Variants in GLIS3 observed in about 807,000 individuals in gnomAD.
GLIS3 encodes zinc finger protein GLIS3.
In GLIS3, 53 loss-of-function variants were observed where a neutral mutation model predicts 78.6. The ratio of observed to expected loss-of-function variants is 0.67; its 90% CI spans 0.54 to 0.85. The LOEUF is 0.85. GLIS3 is among the 40% of genes least tolerant of loss of function. GLIS3 has a pLI of 0.00. For missense variants in GLIS3, 1,703 were observed against 1,231.1 expected (o/e 1.38, Z -5.74); for synonymous variants, 684 against 509.9 (o/e 1.34, Z -4.60).
chr9:4,221,283 G>A (rs1010946776), intron 2 of GLIS3, among the ~76,000 whole-genome samples: 1 of 152,042 alleles, frequency 6.6e-6, no homozygotes, highest in Admixed American at 6.5e-5. Context: ...AGGGCATATG[G>A]GAATTCTTTA....
chr9:4,456,651 C>T, the GLIS3 span, among the ~76,000 whole-genome samples: 7 of 152,162 alleles, frequency 4.6e-5, no homozygotes, highest in Non-Finnish European at 5.9e-5. Flanking sequence ...TAGGATTAAT[C>T]TTTTCCAGCT....
intron 1 of GLIS3, among the ~76,000 whole-genome samples, chr9:4,296,825 C>T (rs773199460): frequency 6.7e-5 from 10 of 149,660 alleles, no homozygotes; most frequent in Non-Finnish European, 1.3e-4. Context: ...AGTCTGGCTG[C>T]GCAGATGACC....
intron 7 of GLIS3, among the ~76,000 whole-genome samples, chr9:3,896,474 G>C (rs1457875161): frequency 6.6e-6 from 1 of 151,694 alleles, no homozygotes; most frequent in Non-Finnish European, 1.5e-5. Flanking sequence ...AGACCAGCCT[G>C]GCCAACATGG....
the GLIS3 span, among the ~76,000 whole-genome samples, chr9:4,381,531 T>G: frequency 6.6e-6 from 1 of 152,162 alleles, no homozygotes; most frequent in East Asian, 1.9e-4. Flanking sequence ...CACAAAGCCT[T>G]ACAGGTTTCA....
chr9:3,966,255 G>C (rs377205384), intron 4 of GLIS3, among the ~76,000 whole-genome samples: 3 of 152,278 alleles, frequency 2.0e-5, no homozygotes, highest in African/African-American at 7.2e-5. Flanking sequence ...TATGACTGTT[G>C]CAACAAAATC....
the GLIS3 span, among the ~76,000 whole-genome samples, chr9:4,463,883 T>C: frequency 0.018 from 2,792 of 152,194 alleles, 82 homozygotes; most frequent in African/African-American, 0.063. Flanking sequence ...CATTTGTACG[T>C]GTGGTATAGG....
At chr9:4,351,479 A>C (rs1817971044), upstream of GLIS3, among the ~76,000 whole-genome samples, 1 of 152,022 alleles carries the variant, frequency 6.6e-6, no homozygotes, top group South Asian at 2.1e-4. Flanking sequence ...TCATTACAAA[A>C]GTTTAGAATA....
At chr9:4,391,551 GT>G in the GLIS3 span, among the ~76,000 whole-genome samples, 4 of 84,916 alleles carry the variant, frequency 4.7e-5, no homozygotes, top group African/African-American at 1.7e-4. Flanking sequence ...TCTAAGAGGG[GT>G]GTGTGTGTGT....
At chr9:4,440,796 G>C in the GLIS3 span, among the ~76,000 whole-genome samples, 1 of 152,206 alleles carries the variant, frequency 6.6e-6, no homozygotes, top group Middle Eastern at 3.4e-3. Context: ...ATGCACACAG[G>C]ATATCTTTTC....
At chr9:4,037,955 G>GAA (rs35261832) in intron 4 of GLIS3, among the ~76,000 whole-genome samples, 12 of 150,046 alleles carry the variant, frequency 8.0e-5, no homozygotes, top group Admixed American at 3.3e-4. Flanking sequence ...TCCAGGAAAG[G>GAA]AAAAAAAAAA....
intron 6 of GLIS3, among the ~76,000 whole-genome samples, chr9:3,918,835 T>C (rs562312028): frequency 8.5e-5 from 13 of 152,314 alleles, no homozygotes; most frequent in South Asian, 6.2e-4. Context: ...AGAACCACTG[T>C]AGAGGTCCAA....
At chr9:4,319,393 G>A (rs1420918808) in intron 2 of GLIS3, among the ~76,000 whole-genome samples, 1 of 152,292 alleles carries the variant, frequency 6.6e-6, no homozygotes, top group East Asian at 1.9e-4. Context: ...GTGAATCTGG[G>A]TGAAGGTACA....
chr9:4,366,522 C>A, the GLIS3 span, among the ~76,000 whole-genome samples: 1 of 152,186 alleles, frequency 6.6e-6, no homozygotes, highest in African/African-American at 2.4e-5. Context: ...CTGTTTCTTT[C>A]CTGTATTCAG....
At chr9:4,070,545 T>TGA (rs370081608) in intron 4 of GLIS3, among the ~76,000 whole-genome samples, 8 of 151,872 alleles carry the variant, frequency 5.3e-5, no homozygotes, top group South Asian at 2.1e-4. Context: ...TGTGTGTGTG[T>TGA]GAGAGAGAGA....
At chr9:4,338,387 C>T (rs145736990) in intron 2 of GLIS3, among the ~76,000 whole-genome samples, 84 of 105,428 alleles carry the variant, frequency 8.0e-4, no homozygotes, top group Middle Eastern at 5.2e-3. Flanking sequence ...CACACACACA[C>T]ATACACACAC....
At chr9:3,890,763 C>CACA (rs143411104) in intron 7 of GLIS3, among the ~76,000 whole-genome samples, 1 of 137,258 alleles carries the variant, frequency 7.3e-6, no homozygotes, top group Non-Finnish European at 1.5e-5. Context: ...ACAACAACAA[C>CACA]ACAACAACAA....
chr9:4,000,230 G>A (rs1821037811), intron 4 of GLIS3, among the ~76,000 whole-genome samples: 1 of 152,150 alleles, frequency 6.6e-6, no homozygotes, highest in East Asian at 1.9e-4. Context: ...GGAAATCACA[G>A]AAGAAATATA....
chr9:4,154,332 G>A (rs762796382), intron 2 of GLIS3, among the ~76,000 whole-genome samples: 16 of 152,244 alleles, frequency 1.1e-4, no homozygotes, highest in Non-Finnish European at 1.8e-4. Context: ...GTCATCATTG[G>A]AAAAGACAAT....
At chr9:3,881,580 C>T (rs1821729823) in intron 7 of GLIS3, among the ~76,000 whole-genome samples, 1 of 152,146 alleles carries the variant, frequency 6.6e-6, no homozygotes, top group Non-Finnish European at 1.5e-5. Context: ...TGTTTGTAGC[C>T]TGCCACTCGC....
Sources: allele counts gnomAD v4.1 joint callset (sites outside exome capture counted in the v4.1 genomes callset), GRCh38; gene constraint gnomAD v4.1.1; transcripts MANE v1.5; gene names NCBI Gene and HGNC (gene_info 2026-07-23, HGNC 2026-07-21).